Variants in TAF3 observed in about 807,000 individuals in gnomAD.
TAF3 encodes the protein TATA-box binding protein associated factor 3.
TAF3 carries 7 observed loss-of-function variants against 80.6 expected under a neutral mutation model. The ratio of observed to expected loss-of-function variants is 0.09; its 90% CI spans 0.05 to 0.16. The LOEUF is 0.16. TAF3 is among the 10% of genes least tolerant of loss of function. TAF3 has a pLI of 1.00. For missense variants in TAF3, 921 were observed against 1,140.2 expected, an observed-to-expected ratio of 0.81 and a Z score of 2.77; for synonymous variants, 444 against 446.1, an observed-to-expected ratio of 1.00 and a Z score of 0.06.
intron 2 of TAF3, among the ~76,000 whole-genome samples, chr10:7,877,937 T>C (rs530639441): frequency 3.7e-4 from 56 of 152,294 alleles, no homozygotes; most frequent in Non-Finnish European, 7.4e-4. Context: ...TCAAATACAT[T>C]GGAGCTAATG....
At chr10:7,979,364 A>G (rs1160939142) in intron 4 of TAF3, among the ~76,000 whole-genome samples, 17 of 23,422 alleles carry the variant, frequency 7.3e-4, no homozygotes, top group Non-Finnish European at 2.2e-3. Context: ...AAAAAAATGA[A>G]AAAAAAAAAA....
intron 2 of TAF3, among the ~76,000 whole-genome samples, chr10:7,868,551 T>A (rs1212589905): frequency 6.6e-6 from 1 of 152,244 alleles, no homozygotes; most frequent in Non-Finnish European, 1.5e-5. Flanking sequence ...TCCATGTGCC[T>A]TGTAGGCACA....
intron 2 of TAF3, among the ~76,000 whole-genome samples, chr10:7,886,407 C>T (rs1181220440): frequency 6.6e-6 from 1 of 152,108 alleles, no homozygotes; most frequent in Non-Finnish European, 1.5e-5. Flanking sequence ...ACAATTCTTC[C>T]ATATTTGCCT....
chr10:7,846,151 G>A (rs1169887113), intron 2 of TAF3, among the ~76,000 whole-genome samples: 1 of 151,830 alleles, frequency 6.6e-6, no homozygotes, highest in Non-Finnish European at 1.5e-5. Flanking sequence ...TAGAGATGGG[G>A]TTTCACCGTG....
intron 2 of TAF3, among the ~76,000 whole-genome samples, chr10:7,905,316 T>C (rs573588324): frequency 2.0e-4 from 31 of 152,326 alleles, no homozygotes; most frequent in African/African-American, 7.5e-4. Flanking sequence ...AGCACCTGTT[T>C]CAGGGGAAGC....
At chr10:7,954,767 C>T (rs1396119925) in intron 2 of TAF3, among the ~76,000 whole-genome samples, 1 of 139,234 alleles carries the variant, frequency 7.2e-6, no homozygotes, top group African/African-American at 2.6e-5. Flanking sequence ...ACAGAGCTCT[C>T]CCTAGTGAGA....
chr10:7,953,295 A>G lies in TAF3; in HGVS notation c.410-10625A>G, dbSNP rs1157829502. Among the ~76,000 whole-genome samples, 6 of 152,196 alleles carry G rather than the reference A, an allele frequency of 3.9e-5. No homozygotes were observed. The East Asian group carries it at 9.6e-4, about 24-fold the overall frequency. On this transcript the variant is annotated intron_variant, in intron 2 of 6. Coordinates refer to ENST00000344293, the MANE Select transcript of TAF3 (RefSeq NM_031923.4). ...TTTTAAAGATACTGCCTTTACCCAAACACATAAATCAAGTGGTAGAGTTTC... is the reference window on the plus strand; with the variant it reads ...TTTTAAAGATACTGCCTTTACCCAAGCACATAAATCAAGTGGTAGAGTTTC...
intron 2 of TAF3, among the ~76,000 whole-genome samples, chr10:7,863,686 CACACACAT>C (rs1837176059): frequency 1.2e-5 from 1 of 80,320 alleles, no homozygotes; most frequent in Non-Finnish European, 2.3e-5. Flanking sequence ...TATATATATA[CACACACAT>C]ATATATATAT....
chr10:7,931,903 A>G (rs1031232985), intron 2 of TAF3, among the ~76,000 whole-genome samples: 1 of 152,240 alleles, frequency 6.6e-6, no homozygotes, highest in African/African-American at 2.4e-5. Context: ...TGAATTCATT[A>G]CAATGTAATG....
At chr10:8,005,812 T>TTG (rs1831985457) in intron 4 of TAF3, among the ~76,000 whole-genome samples, 2 of 152,350 alleles carry the variant, frequency 1.3e-5, no homozygotes, top group South Asian at 2.1e-4. Context: ...TTTGAACTCC[T>TTG]ACATTACATG....
At chr10:7,976,588 G>A (rs943646031) in intron 3 of TAF3, among the ~76,000 whole-genome samples, 3 of 151,894 alleles carry the variant, frequency 2.0e-5, no homozygotes, top group Non-Finnish European at 2.9e-5. Context: ...CTAATTTTTT[G>A]TATTTTTAGT....
At chr10:7,850,479 C>G (rs911072069) in intron 2 of TAF3, among the ~76,000 whole-genome samples, 1 of 152,064 alleles carries the variant, frequency 6.6e-6, no homozygotes, top group Non-Finnish European at 1.5e-5. Flanking sequence ...AGTTTGAGAC[C>G]AGCCTGGCCA....
rs371468674 is a variant in TAF3 at position 7,965,501 on chromosome 10, C to A, written c.1991C>A (p.Pro664His). The A allele has an allele frequency of 1.2e-5, 19 of 1,604,918 alleles. No individual in the cohort carries two copies. Among genetic ancestry groups the A allele is most frequent in the Non-Finnish European group, 3.4e-6 (4 of 1,177,866 alleles). Residue 664 changes from proline to histidine, a missense_variant, in exon 3 of 7, where the codon CCC becomes CAC. By Grantham distance (77) the Pro-to-His change is moderately conservative (BLOSUM62 -2). Transcript: ENST00000344293. ...TTGCCCCCAAAAGAGTTGGCCCTGCCCTTGTTCAGCCCTGCCACAGCCTCC... is the reference window on the plus strand; with the variant it reads ...TTGCCCCCAAAAGAGTTGGCCCTGCACTTGTTCAGCCCTGCCACAGCCTCC... ...LVLPPKELAL[P>H]LFSPATASRV...
chr10:7,838,630 C>A (rs1174499530), intron 2 of TAF3, among the ~76,000 whole-genome samples: 1 of 152,172 alleles, frequency 6.6e-6, no homozygotes, highest in Non-Finnish European at 1.5e-5. Flanking sequence ...GATCCACCCA[C>A]CTAGGCCTCT....
At chr10:7,949,006 A>G (rs1838054499) in intron 2 of TAF3, among the ~76,000 whole-genome samples, 1 of 152,250 alleles carries the variant, frequency 6.6e-6, no homozygotes, top group South Asian at 2.1e-4. Context: ...GTGGGGAGCA[A>G]GAGCTGTGCC....
chr10:7,848,229 C>T (rs775802070), intron 2 of TAF3, among the ~76,000 whole-genome samples: 35 of 152,118 alleles, frequency 2.3e-4, no homozygotes, highest in Non-Finnish European at 4.4e-4. Flanking sequence ...AAATATTTCT[C>T]AGATTTAATG....
chr10:7,883,411 A>G (rs1351584428), intron 2 of TAF3, among the ~76,000 whole-genome samples: 2 of 152,226 alleles, frequency 1.3e-5, no homozygotes, highest in Non-Finnish European at 2.9e-5. Flanking sequence ...GCCTCATGTG[A>G]TGAGTCCTGT....
chr10:7,819,795 A>G (rs993104986), intron 1 of TAF3, among the ~76,000 whole-genome samples: 2 of 152,080 alleles, frequency 1.3e-5, no homozygotes, highest in Non-Finnish European at 2.9e-5. Context: ...TTCATAGGAT[A>G]TTTTGTTTTG....
chr10:7,957,304 G>A (rs1838145406), intron 2 of TAF3, among the ~76,000 whole-genome samples: 1 of 152,110 alleles, frequency 6.6e-6, no homozygotes, highest in South Asian at 2.1e-4. Context: ...GGGAGATTAG[G>A]GCAGACGGCT....
Sources: allele counts gnomAD v4.1 joint callset (sites outside exome capture counted in the v4.1 genomes callset), GRCh38; gene constraint gnomAD v4.1.1; transcripts MANE v1.5; gene names NCBI Gene and HGNC (gene_info 2026-07-23, HGNC 2026-07-21).